The following DLG2 variants were observed in gnomAD, a reference collection of about 807,000 sequenced individuals.
DLG2 encodes disks large homolog 2.
A neutral mutation model predicts 132.5 loss-of-function variants in DLG2; 45 were observed. That is an observed-to-expected ratio of 0.34 (90% CI 0.27 to 0.44). DLG2 has a LOEUF of 0.44. Among genes scored for constraint, DLG2 ranks in the 20% least tolerant of loss-of-function variants. The probability of loss-of-function intolerance (pLI) is 1.00; values close to 1 mark genes in which losing one functional copy is unlikely to be tolerated. For missense variants in DLG2, 1,045 were observed against 1,196.9 expected, an observed-to-expected ratio of 0.87 and a Z score of 1.87; for synonymous variants, 424 against 419.6, an observed-to-expected ratio of 1.01 and a Z score of -0.13.
intron 15 of DLG2, among the ~76,000 whole-genome samples, chr11:83,905,475 G>A (rs2074487884): frequency 6.6e-6 from 1 of 152,100 alleles, no homozygotes; most frequent in Non-Finnish European, 1.5e-5. Flanking sequence ...ATGACTAACT[G>A]AGGAATCCTG....
chr11:84,967,914 C>T (rs1016601837), intron 6 of DLG2, among the ~76,000 whole-genome samples: 1 of 152,006 alleles, frequency 6.6e-6, no homozygotes, highest in Non-Finnish European at 1.5e-5. Flanking sequence ...TCTAAAAGGT[C>T]CTGTTCTTCA....
chr11:85,111,235 T>C (rs535383392), intron 6 of DLG2, among the ~76,000 whole-genome samples: 3 of 152,238 alleles, frequency 2.0e-5, no homozygotes, highest in Admixed American at 2.0e-4. Context: ...GAGACTATTA[T>C]TACACCAGGA....
At chr11:83,728,807 C>T (rs1466614104) in intron 18 of DLG2, among the ~76,000 whole-genome samples, 1 of 152,230 alleles carries the variant, frequency 6.6e-6, no homozygotes, top group Non-Finnish European at 1.5e-5. Context: ...CCTGGGAATC[C>T]ATTTGGTCCC....
At chr11:84,484,006 A>C (rs1473033506) in intron 7 of DLG2, among the ~76,000 whole-genome samples, 1 of 152,088 alleles carries the variant, frequency 6.6e-6, no homozygotes, top group Non-Finnish European at 1.5e-5. Context: ...TGGCAATTAC[A>C]TTCTTTATGT....
At chr11:84,439,705 T>C (rs1452894257) in intron 7 of DLG2, among the ~76,000 whole-genome samples, 1 of 152,216 alleles carries the variant, frequency 6.6e-6, no homozygotes, top group Admixed American at 6.5e-5. Context: ...ATTGCTGTGA[T>C]GTAAAGGTAT....
chr11:83,891,285 G>A (rs2069774447), intron 15 of DLG2, among the ~76,000 whole-genome samples: 1 of 152,114 alleles, frequency 6.6e-6, no homozygotes, highest in South Asian at 2.1e-4. Flanking sequence ...AGAGAATTGA[G>A]AGGATGCATG....
chr11:84,830,960 C>CCA (rs1555246492), intron 6 of DLG2, among the ~76,000 whole-genome samples: 1 of 105,948 alleles, frequency 9.4e-6, no homozygotes, highest in African/African-American at 3.6e-5. Context: ...CTCCCCCCAC[C>CCA]CCCCCCAGCT....
chr11:83,969,732 G>A (rs1456573662), intron 12 of DLG2, among the ~76,000 whole-genome samples: 3 of 151,814 alleles, frequency 2.0e-5, no homozygotes, highest in Non-Finnish European at 4.4e-5. Context: ...TGCCACCACT[G>A]CCAGCTAATT....
intron 15 of DLG2, among the ~76,000 whole-genome samples, chr11:83,885,436 T>C (rs1180406672): frequency 6.6e-6 from 1 of 152,048 alleles, no homozygotes; most frequent in Non-Finnish European, 1.5e-5. Context: ...CTCCAAGAAA[T>C]ATGGGACTAT....
At chr11:84,708,798 G>A (rs560474629) in intron 6 of DLG2, among the ~76,000 whole-genome samples, 3 of 151,992 alleles carry the variant, frequency 2.0e-5, no homozygotes, top group African/African-American at 7.2e-5. Context: ...AGTACAGAGA[G>A]AAAATGTCTC....
intron 6 of DLG2, among the ~76,000 whole-genome samples, chr11:84,801,248 A>G (rs2075334601): frequency 1.3e-5 from 2 of 152,284 alleles, no homozygotes; most frequent in Middle Eastern, 3.4e-3. Context: ...GCCATGCTAT[A>G]TTCTCCAGTC....
chr11:85,266,804 C>T (rs1595820576), intron 4 of DLG2, among the ~76,000 whole-genome samples: 1 of 152,310 alleles, frequency 6.6e-6, no homozygotes, highest in East Asian at 1.9e-4. Flanking sequence ...TCAGAACCCT[C>T]AATTCTGATG....
At chr11:83,961,580 T>C (rs1459784891) in intron 14 of DLG2, among the ~76,000 whole-genome samples, 1 of 151,996 alleles carries the variant, frequency 6.6e-6, no homozygotes, top group African/African-American at 2.4e-5. Flanking sequence ...GAGGATTAAA[T>C]GGATAGTGTA....
chr11:83,882,483 T>C (rs1007294840), intron 15 of DLG2, among the ~76,000 whole-genome samples: 1 of 152,220 alleles, frequency 6.6e-6, no homozygotes. Flanking sequence ...TTTCATTCCA[T>C]AGCCAAAGAT....
At chr11:85,568,147 T>C (rs893176970) in intron 3 of DLG2, among the ~76,000 whole-genome samples, 6 of 151,694 alleles carry the variant, frequency 4.0e-5, no homozygotes, top group Non-Finnish European at 7.4e-5. Context: ...CCCAAGTAGC[T>C]CGGATTACAG....
At chr11:85,311,863 C>G (rs1031765909) in intron 3 of DLG2, among the ~76,000 whole-genome samples, 30 of 152,004 alleles carry the variant, frequency 2.0e-4, no homozygotes, top group South Asian at 4.1e-4. Flanking sequence ...TCTCGCCACC[C>G]TAGTCACACT....
rs557672263 is a variant in DLG2, at chr11:84,864,785, G to A, written c.357+246876C>T. The stretch of plus-strand genomic sequence containing the variant: ...GCCATTTATACTACCCGGGAAGGTC[G>A]GGAAAGCTTTACGGAGGAAGAGACA... On this transcript the variant is annotated intron_variant, in intron 6 of 27. Transcript: ENST00000376104. Among the ~76,000 whole-genome samples, 132 of 152,162 alleles carry A rather than the reference G, an allele frequency of 8.7e-4. 2 individuals carry two copies. Among genetic ancestry groups the A allele is most frequent in the African/African-American group, 3.1e-3 (129 of 41,496 alleles).
chr11:84,997,218 G>A (rs2057739118), intron 6 of DLG2: 1 of 152,986 alleles, frequency 6.5e-6, no homozygotes, highest in Non-Finnish European at 1.5e-5. Flanking sequence ...TCTGTTTGCA[G>A]TGAGGTTTCA....
At chr11:83,532,622 T>C (rs1327707947) in intron 21 of DLG2, 86 bp downstream of exon 21, 10 of 1,117,682 alleles carry the variant, frequency 8.9e-6, no homozygotes, top group Non-Finnish European at 1.2e-5. Context: ...TCATAATTTG[T>C]TTGCTACTGA....
Sources: gnomAD v4.1 joint callset for allele counts (sites outside exome capture counted in the v4.1 genomes callset) on GRCh38, gnomAD v4.1.1 for gene constraint, MANE v1.5 for transcripts, NCBI Gene and HGNC (gene_info 2026-07-23, HGNC 2026-07-21) for gene names.